Variants in UGGT2 observed in about 807,000 individuals in gnomAD.
The protein encoded by UGGT2 is UDP-glucose:glycoprotein glucosyltransferase 2.
UGGT2 carries 180 observed loss-of-function variants against 192.1 expected under a neutral mutation model. The observed-to-expected ratio is 0.94, with a 90% CI of 0.83 to 1.06. UGGT2 has a LOEUF of 1.06. UGGT2 is among the 50% of genes least tolerant of loss of function. UGGT2 has a pLI of 0.00. For synonymous variants in UGGT2, 580 were observed against 591.0 expected (o/e 0.98, Z 0.27); for missense variants, 1,849 against 1,795.7 (o/e 1.03, Z -0.54).
intron 17 of UGGT2, among the ~76,000 whole-genome samples, chr13:95,931,405 G>T (rs1325965585): frequency 1.3e-5 from 2 of 152,156 alleles, no homozygotes; most frequent in African/African-American, 4.8e-5. Flanking sequence ...GGCCGCAGGG[G>T]GAGCTGCCCG....
chr13:95,960,405 A>G (rs1443157451), intron 12 of UGGT2, among the ~76,000 whole-genome samples: 3 of 152,232 alleles, frequency 2.0e-5, no homozygotes, highest in Non-Finnish European at 4.4e-5. Context: ...TCATTGAATG[A>G]CATGTAAAAT....
At chr13:95,977,992 T>C (rs1324973701) in intron 10 of UGGT2, among the ~76,000 whole-genome samples, 1 of 151,796 alleles carries the variant, frequency 6.6e-6, no homozygotes, top group Admixed American at 6.6e-5. Context: ...AGATGAACAA[T>C]GAGAACACAT....
chr13:95,837,228 A>G, intron 36 of UGGT2, 26 bp from the exon 37 acceptor site: 1 of 1,514,084 alleles, frequency 6.6e-7, no homozygotes. Context: ...ATTTAATCAT[A>G]GACGTATGAA....
At chr13:95,981,775 T>C (rs927981460) in intron 10 of UGGT2, among the ~76,000 whole-genome samples, 49 of 152,198 alleles carry the variant, frequency 3.2e-4, no homozygotes, top group Non-Finnish European at 5.7e-4. Context: ...GCAATTGCAA[T>C]GAATAGTCCA....
chr13:95,870,050 T>C (rs1380397931), intron 29 of UGGT2, among the ~76,000 whole-genome samples: 1 of 152,228 alleles, frequency 6.6e-6, no homozygotes, highest in East Asian at 1.9e-4. Context: ...TGATGAAGCC[T>C]TGTTTCAAGC....
At position 95,927,225 on chromosome 13, in the gene UGGT2, T is replaced by C. The variant is rs749257175; in HGVS notation, c.2089A>G (p.Ile697Val). 2 of 1,611,680 alleles carry C rather than the reference T, an allele frequency of 1.2e-6. No homozygotes were observed. Among genetic ancestry groups the C allele is most frequent in the South Asian group, 1.1e-5 (1 of 90,912 alleles). ...LRTNQQYLNL[I>V]STSVTADVED... ...AGGATTATTTTACCTGATGTAGATA[T>C]TAAATTGAGGTACTGCTGGTTAGTA... The change falls in exon 18 of 39, where the codon ATA becomes GTA. Residue 697 changes from isoleucine (I) to valine (V), a missense_variant. Transcript: ENST00000376747.
intron 20 of UGGT2, among the ~76,000 whole-genome samples, chr13:95,925,064 AAC>A: frequency 1.3e-5 from 2 of 152,348 alleles, no homozygotes; most frequent in Admixed American, 1.3e-4. Context: ...CTAATATAAA[AAC>A]AATTTCATAA....
chr13:95,858,922 C>T (rs1594166979), intron 33 of UGGT2, among the ~76,000 whole-genome samples: 1 of 152,150 alleles, frequency 6.6e-6, no homozygotes, highest in East Asian at 1.9e-4. Flanking sequence ...CTTCTGTTTT[C>T]CCACTGCTTT....
intron 37 of UGGT2, among the ~76,000 whole-genome samples, chr13:95,836,251 T>C (rs1887276630): frequency 6.6e-6 from 1 of 152,192 alleles, no homozygotes; most frequent in East Asian, 1.9e-4. Flanking sequence ...GGTTTCATCA[T>C]GTTAGCAACG....
chr13:96,003,603 T>C (rs1209929344), intron 5 of UGGT2, among the ~76,000 whole-genome samples: 1 of 152,206 alleles, frequency 6.6e-6, no homozygotes, highest in Non-Finnish European at 1.5e-5. Flanking sequence ...GTTCTACTCT[T>C]TTCTTTTTGG....
intron 38 of UGGT2, among the ~76,000 whole-genome samples, chr13:95,832,132 GT>G (rs1382351322): frequency 7.3e-5 from 11 of 151,048 alleles, no homozygotes; most frequent in African/African-American, 2.7e-4. Context: ...TCCCTAAACA[GT>G]AAAGCTGAGG....
At chr13:95,957,719 T>C (rs1280837485) in intron 12 of UGGT2, among the ~76,000 whole-genome samples, 1 of 152,172 alleles carries the variant, frequency 6.6e-6, no homozygotes, top group Non-Finnish European at 1.5e-5. Context: ...ACAAAGAGAA[T>C]AGGAAGGTTT....
Position 95,802,568 on chromosome 13 carries a change from TG to T in UGGT2, c.4529-757del, listed in dbSNP as rs1176102078. On this transcript the variant is annotated intron_variant, in intron 38 of 38. Coordinates refer to ENST00000376747, the MANE Select transcript of UGGT2 (RefSeq NM_020121.4). Reference sequence around the variant, plus strand: ...AAAGTTACCAATGAATTTCAAGAAATGGGAAACAGGGATAGACTGCACGAAA... The same window carrying T: ...AAAGTTACCAATGAATTTCAAGAAATGGAAACAGGGATAGACTGCACGAAA... Among the ~76,000 whole-genome samples the T allele has an allele frequency of 2.6e-5, 4 of 152,152 alleles. No individual in the cohort carries two copies. In the East Asian group the frequency reaches 7.7e-4, roughly 29 times the overall value.
intron 36 of UGGT2, among the ~76,000 whole-genome samples, chr13:95,846,173 G>A (rs377046973): frequency 3.9e-5 from 6 of 152,180 alleles, no homozygotes; most frequent in South Asian, 2.1e-4. Flanking sequence ...GTGCAATCCC[G>A]GCACCTCGGG....
chr13:95,949,379 A>G lies in UGGT2; in HGVS notation c.1411T>C (p.Phe471Leu). The G allele has an allele frequency of 6.3e-7, 1 of 1,583,914 alleles. No homozygotes were observed. Among genetic ancestry groups the G allele is most frequent in the Non-Finnish European group, 8.6e-7 (1 of 1,163,946 alleles). Residue 471 changes from phenylalanine to leucine, a missense_variant, in exon 13 of 39, where the codon TTT becomes CTT. By Grantham distance (22) the Phe-to-Leu change is conservative. Transcript: ENST00000376747. ...CTTATGGAAGGTACACTTCCAGGAA[A>G]TACTGGCTTCAGAAGTTTCTGGCAA... Reference protein sequence around the residue: ...TSCQKLLKPVFPGSVPSIRRN... With the variant: ...TSCQKLLKPVLPGSVPSIRRN...
intron 29 of UGGT2, among the ~76,000 whole-genome samples, chr13:95,868,922 A>C (rs965236135): frequency 6.6e-6 from 1 of 151,894 alleles, no homozygotes; most frequent in Non-Finnish European, 1.5e-5. Flanking sequence ...TTTAGGGTAC[A>C]TGTGCACAAT....
intron 16 of UGGT2, among the ~76,000 whole-genome samples, chr13:95,938,122 C>T (rs906809587): frequency 3.9e-5 from 6 of 152,136 alleles, no homozygotes; most frequent in African/African-American, 1.4e-4. Flanking sequence ...GTGAGGTTTC[C>T]CCAGCCACGT....
intron 17 of UGGT2, among the ~76,000 whole-genome samples, chr13:95,928,939 T>C (rs2049143310): frequency 6.6e-6 from 1 of 152,140 alleles, no homozygotes. Flanking sequence ...CCATCTGCAA[T>C]CCCGGCACCT....
intron 1 of UGGT2, among the ~76,000 whole-genome samples, chr13:96,036,667 A>G (rs1163448638): frequency 1.3e-5 from 2 of 152,216 alleles, no homozygotes; most frequent in Non-Finnish European, 2.9e-5. Flanking sequence ...ATTTACTGGT[A>G]ACTCATTATT....
Sources: gnomAD v4.1 joint callset for allele counts (sites outside exome capture counted in the v4.1 genomes callset) on GRCh38, gnomAD v4.1.1 for gene constraint, MANE v1.5 for transcripts, NCBI Gene and HGNC (gene_info 2026-07-23, HGNC 2026-07-21) for gene names.